The following NEGR1 variants were observed in gnomAD, a reference collection of about 807,000 sequenced individuals.
NEGR1 encodes IgLON family member 4.
In NEGR1, 10 loss-of-function variants were observed where a neutral mutation model predicts 40.9. That is an observed-to-expected ratio of 0.24 (90% confidence interval 0.15 to 0.42). The LOEUF is 0.42. Ranked by LOEUF, NEGR1 falls within the 10% of genes least tolerant of loss-of-function variation. The probability of loss-of-function intolerance (pLI) is 1.00; values close to 1 mark genes in which losing one functional copy is unlikely to be tolerated. For missense variants in NEGR1, 352 were observed against 438.9 expected, an observed-to-expected ratio of 0.80 and a Z score of 1.77; for synonymous variants, 185 against 166.8, an observed-to-expected ratio of 1.11 and a Z score of -0.84.
At chr1:71,484,712 A>C (rs1193658637) in intron 6 of NEGR1, 3 of 151,758 alleles carry the variant, frequency 2.0e-5, no homozygotes, top group Non-Finnish European at 4.4e-5. Context: ...ATAATCTTCC[A>C]TGCTTTTGTG....
intron 1 of NEGR1, among the ~76,000 whole-genome samples, chr1:72,092,838 G>T (rs1648550181): frequency 1.3e-5 from 2 of 152,008 alleles, no homozygotes; most frequent in Non-Finnish European, 2.9e-5. Flanking sequence ...TTTTTGTAGA[G>T]AATAGGTTTC....
intron 3 of NEGR1, among the ~76,000 whole-genome samples, chr1:71,699,115 T>A (rs1653591945): frequency 6.6e-6 from 1 of 152,008 alleles, no homozygotes; most frequent in African/African-American, 2.4e-5. Context: ...TTAAATTGTT[T>A]GTTTTCAAAA....
chr1:71,849,627 A>G (rs1046383425), intron 2 of NEGR1, among the ~76,000 whole-genome samples: 4 of 152,184 alleles, frequency 2.6e-5, no homozygotes, highest in African/African-American at 9.6e-5. Flanking sequence ...ATCAAATAGC[A>G]TTGAATACTA....
At chr1:72,026,270 A>T (rs1372031439) in intron 1 of NEGR1, among the ~76,000 whole-genome samples, 1 of 152,060 alleles carries the variant, frequency 6.6e-6, no homozygotes, top group Non-Finnish European at 1.5e-5. Context: ...ATGGAAATAC[A>T]AAATTTAGAC....
intron 4 of NEGR1, among the ~76,000 whole-genome samples, chr1:71,636,739 C>T (rs988157659): frequency 1.6e-4 from 24 of 152,086 alleles, no homozygotes; most frequent in African/African-American, 5.8e-4. Flanking sequence ...TTGCAAAATG[C>T]CTATTTTCAT....
At chr1:71,852,911 A>G (rs1659652533) in intron 2 of NEGR1, among the ~76,000 whole-genome samples, 1 of 152,088 alleles carries the variant, frequency 6.6e-6, no homozygotes, top group Non-Finnish European at 1.5e-5. Flanking sequence ...AAACTAAAGA[A>G]TGGAAAACGC....
chr1:71,808,679 A>C (rs186025947), intron 2 of NEGR1, among the ~76,000 whole-genome samples: 165 of 152,334 alleles, frequency 1.1e-3, no homozygotes, highest in African/African-American at 3.4e-3. Context: ...CATGAAAATG[A>C]ATAGGATTTG....
intron 2 of NEGR1, among the ~76,000 whole-genome samples, chr1:71,882,324 C>A (rs778326081): frequency 1.3e-5 from 2 of 152,056 alleles, no homozygotes; most frequent in Admixed American, 6.6e-5. Context: ...AACTCAAAGT[C>A]AGTATAAACG....
Position 72,216,403 on chromosome 1 carries a change from A to G in NEGR1, c.176+65916T>C, listed in dbSNP as rs1427189988. Among the ~76,000 whole-genome samples, 8 of 121,388 alleles carry G rather than the reference A, an allele frequency of 6.6e-5. No homozygotes were observed. In the East Asian group the frequency reaches 1.2e-3, roughly 18 times the overall value. 79.6% of individuals were successfully genotyped at this position (121,388 alleles called of 152,430 possible). On this transcript the variant is annotated intron_variant, in intron 1 of 6. Coordinates refer to ENST00000357731, the MANE Select transcript of NEGR1 (RefSeq NM_173808.3). ...TATATACATATATATATATATATACATATATATATATATGTATATCTATAT... is the reference window on the plus strand; with the variant it reads ...TATATACATATATATATATATATACGTATATATATATATGTATATCTATAT...
In NEGR1 at chr1:71,723,647, C is replaced by G. The variant is rs143149427; in HGVS notation, c.536-25508G>C. Reference sequence around the variant, plus strand: ...GCTTTCAGACCTCACCCTATGTACCCCATCTCACTATTCACTTGTATCGTT... The same window carrying G: ...GCTTTCAGACCTCACCCTATGTACCGCATCTCACTATTCACTTGTATCGTT... On this transcript the variant is annotated intron_variant, in intron 3 of 6. Transcript: ENST00000357731. 4.9e-4 allele frequency among the ~76,000 whole-genome samples: 74 copies of G among 152,080 alleles called. No homozygotes were observed. In the East Asian group the frequency reaches 0.011, roughly 22 times the overall value.
At chr1:71,644,317 C>T (rs1651455287) in intron 4 of NEGR1, among the ~76,000 whole-genome samples, 1 of 151,920 alleles carries the variant, frequency 6.6e-6, no homozygotes, top group Non-Finnish European at 1.5e-5. Context: ...GCTCACACAT[C>T]ACATTCTCAC....
chr1:72,086,762 A>G (rs72680891), intron 1 of NEGR1, among the ~76,000 whole-genome samples: 2,448 of 152,308 alleles, frequency 0.016, 30 homozygotes, highest in Non-Finnish European at 0.022. Context: ...TTTGGGATAT[A>G]AGGTCGTGTT....
At chr1:71,816,563 G>A (rs1658222405) in intron 2 of NEGR1, among the ~76,000 whole-genome samples, 1 of 151,994 alleles carries the variant, frequency 6.6e-6, no homozygotes, top group African/African-American at 2.4e-5. Context: ...TTACTATCAT[G>A]AGAACAGCAT....
rs548558730 is a variant in NEGR1 at position 71,612,822 on chromosome 1, C to A, written c.668-1676G>T. ...TTGCAGTAAGACACTGAGGCTGAAG[C>A]TAGCCAAGTTTGTTTAATAAATAGC... On this transcript the variant is annotated intron_variant, in intron 4 of 6. Transcript: ENST00000357731. 2.0e-5 allele frequency among the ~76,000 whole-genome samples: 3 copies of A among 152,248 alleles called. No individual in the cohort carries two copies. In the East Asian group the frequency reaches 5.8e-4, roughly 29 times the overall value.
chr1:71,505,309 A>G (rs561489737), intron 6 of NEGR1, among the ~76,000 whole-genome samples: 1 of 149,936 alleles, frequency 6.7e-6, no homozygotes, highest in Non-Finnish European at 1.5e-5. Flanking sequence ...TTTTTTTGAG[A>G]TGGAGTCTCG....
intron 1 of NEGR1, among the ~76,000 whole-genome samples, chr1:72,085,468 C>A (rs1648182493): frequency 6.6e-6 from 1 of 152,078 alleles, no homozygotes; most frequent in Non-Finnish European, 1.5e-5. Flanking sequence ...ACAAGTTTTT[C>A]TTACTACCCT....
intron 4 of NEGR1, among the ~76,000 whole-genome samples, chr1:71,676,811 A>C (rs1652656083): frequency 6.6e-6 from 1 of 152,208 alleles, no homozygotes; most frequent in East Asian, 1.9e-4. Flanking sequence ...TTTCAAAAAA[A>C]TTCTGAGTGA....
chr1:71,948,855 TC>T (rs1428916343), intron 1 of NEGR1, among the ~76,000 whole-genome samples: 2 of 152,124 alleles, frequency 1.3e-5, no homozygotes, highest in African/African-American at 2.4e-5. Context: ...GCTGGAGTTG[TC>T]TTTACTAGAT....
At chr1:72,007,232 G>A (rs1342663362) in intron 1 of NEGR1, among the ~76,000 whole-genome samples, 1 of 151,996 alleles carries the variant, frequency 6.6e-6, no homozygotes, top group East Asian at 1.9e-4. Flanking sequence ...TAATAAGCTT[G>A]ACCATTTCAT....
Sources: gnomAD v4.1 joint callset for allele counts (sites outside exome capture counted in the v4.1 genomes callset) on GRCh38, gnomAD v4.1.1 for gene constraint, MANE v1.5 for transcripts, NCBI Gene and HGNC (gene_info 2026-07-23, HGNC 2026-07-21) for gene names.